Variants in ABCG1 observed in about 807,000 individuals in gnomAD.
ABCG1 encodes ATP-binding cassette sub-family G member 1.
In ABCG1, 29 loss-of-function variants were observed where a neutral mutation model predicts 69.2. The ratio of observed to expected loss-of-function variants is 0.42; its 90% CI spans 0.31 to 0.57. The LOEUF (loss-of-function observed/expected upper bound fraction) is 0.57, where lower values mean the gene tolerates loss of function less well. Ranked by LOEUF, ABCG1 falls within the 20% of genes least tolerant of loss-of-function variation. ABCG1 has a pLI of 0.15. For synonymous variants in ABCG1, 370 were observed against 374.8 expected (o/e 0.99, Z 0.15); for missense variants, 718 against 898.1 (o/e 0.80, Z 2.56).
At chr21:42,263,928 T>G (rs2068456839) in intron 2 of ABCG1, among the ~76,000 whole-genome samples, 1 of 152,216 alleles carries the variant, frequency 6.6e-6, no homozygotes, top group African/African-American at 2.4e-5. Flanking sequence ...GCCCTTCCTG[T>G]CTTGTGAGTG....
At position 42,291,584 on chromosome 21, in the gene ABCG1, G is replaced by A. The variant is rs762812239; in HGVS notation, c.1581G>A (p.Ala527=). 1.1e-5 allele frequency: 18 copies of A among 1,612,228 alleles called. No homozygotes were observed. The Admixed American group carries it at 1.2e-4, about 10-fold the overall frequency. The change falls in exon 13 of 15, where the codon GCG becomes GCA. Residue 527 remains alanine, a synonymous_variant. Coordinates refer to ENST00000398449, the MANE Select transcript of ABCG1 (RefSeq NM_016818.3). This position sits in a 1 kb window ranked among gnomAD's most constrained non-coding sequence, Gnocchi z 6.4. The part of the protein sequence containing the change: ...SDAVRFVLFA[A]LGTMTSLVAQ... ...CCGTGCGCTTTGTGCTGTTTGCCGC[G>A]CTGGGCACCATGACCTCCCTGGTGG...
intron 7 of ABCG1, 46 bp downstream of exon 7, chr21:42,284,729 G>A (rs1166469180): frequency 6.2e-7 from 1 of 1,600,418 alleles, no homozygotes; most frequent in African/African-American, 1.3e-5. Flanking sequence ...ACTGCACTCA[G>A]GTCAGCCTGA....
intron 2 of ABCG1, among the ~76,000 whole-genome samples, chr21:42,257,110 A>G: frequency 6.6e-6 from 1 of 152,198 alleles, no homozygotes; most frequent in East Asian, 1.9e-4. Context: ...CATGCCCATT[A>G]CCAGATGAAG....
intron 2 of ABCG1, among the ~76,000 whole-genome samples, chr21:42,239,520 C>T (rs1024187959): frequency 2.0e-5 from 3 of 152,214 alleles, no homozygotes; most frequent in Non-Finnish European, 2.9e-5. Flanking sequence ...TCCTAGGCGC[C>T]GGGCAGTGTG....
intron 2 of ABCG1, among the ~76,000 whole-genome samples, chr21:42,227,400 G>A (rs768668868): frequency 1.6e-4 from 25 of 152,166 alleles, no homozygotes; most frequent in African/African-American, 4.8e-4. Context: ...TTTTGGCGTC[G>A]TTTGTCTATA....
chr21:42,289,962 C>A, intron 10 of ABCG1, 88 bp from the exon 11 acceptor site: 1 of 1,477,876 alleles, frequency 6.8e-7, no homozygotes, highest in South Asian at 1.2e-5. Context: ...GTTCAGGGTC[C>A]CATGCTTCCA....
At chr21:42,269,497 T>C (rs577979009) in intron 2 of ABCG1, among the ~76,000 whole-genome samples, 1 of 152,318 alleles carries the variant, frequency 6.6e-6, no homozygotes, top group Non-Finnish European at 1.5e-5. Context: ...TTGTACGAGC[T>C]GGTTCACCCG....
At position 42,276,802 on chromosome 21, in the gene ABCG1, C is replaced by A. The variant is rs945375240; in HGVS notation, c.538-93C>A. The A allele has an allele frequency of 2.3e-6, 3 of 1,324,084 alleles. No homozygotes were observed. Among genetic ancestry groups the A allele is most frequent in the Non-Finnish European group, 3.2e-6 (3 of 926,972 alleles). The allele number at this position is 1,324,084 out of a possible 1,614,324, so 82.0% of individuals were successfully genotyped here. ...GGCACTGTGGCTAGCTGCATCTTGG[C>A]TAGCTGCACCGTGGCCTGCAGTGCG... On this transcript the variant is annotated intron_variant, in intron 4 of 14. Coordinates refer to ENST00000398449, the MANE Select transcript of ABCG1 (RefSeq NM_016818.3). This position sits in a 1 kb window ranked among gnomAD's most constrained non-coding sequence, Gnocchi z 5.3.
rs145597532 is a variant in ABCG1 at position 42,288,219 on chromosome 21, G to A, written c.1131G>A (p.Ser377=). 266 of 1,614,138 alleles carry A rather than the reference G, an allele frequency of 1.6e-4. 1 individual carries two copies. In the African/African-American group the frequency reaches 2.1e-3, roughly 13 times the overall value. Residue 377 remains serine (S), a synonymous_variant, in exon 10 of 15, where the codon TCG becomes TCA. Transcript: ENST00000398449. The surrounding 1 kb of genome is among the most constrained non-coding windows in gnomAD (Gnocchi z 4.8). ...LWHRPSEEDS[S]SMEGCHSFSA... ...CTTGCGTGTGTCCTCAGGACTCCTC[G>A]TCCATGGAAGGCTGCCACAGCTTCT... is the stretch of plus-strand genomic sequence containing the variant.
intron 6 of ABCG1, among the ~76,000 whole-genome samples, chr21:42,282,917 C>T (rs951666113): frequency 6.6e-6 from 1 of 152,214 alleles, no homozygotes; most frequent in African/African-American, 2.4e-5. Flanking sequence ...CAGTTGCTCA[C>T]CAGCTCTCTA....
At chr21:42,255,720 T>G (rs1217334887) in intron 2 of ABCG1, among the ~76,000 whole-genome samples, 1 of 152,142 alleles carries the variant, frequency 6.6e-6, no homozygotes, top group Non-Finnish European at 1.5e-5. Context: ...TCTCCTGGTT[T>G]TGTTTGTGTT....
At chr21:42,208,390 C>A (rs937768446) in intron 2 of ABCG1, among the ~76,000 whole-genome samples, 2 of 152,160 alleles carry the variant, frequency 1.3e-5, no homozygotes, top group African/African-American at 4.8e-5. Context: ...TTCCTATCTT[C>A]TAGAGTCTCC....
intron 2 of ABCG1, among the ~76,000 whole-genome samples, chr21:42,267,866 C>CTGGTCTGGGTTCTGTCTGGGTG (rs147172606): frequency 1.4e-4 from 19 of 132,046 alleles, no homozygotes; most frequent in Admixed American, 9.1e-4. Context: ...TGATCTGGGT[C>CTGGTCTGGGTTCTGTCTGGGTG]TGGTCTGGGT....
intron 2 of ABCG1, among the ~76,000 whole-genome samples, chr21:42,242,567 A>G (rs912808349): frequency 1.3e-5 from 2 of 152,178 alleles, no homozygotes; most frequent in Non-Finnish European, 2.9e-5. Context: ...TGTATTATAG[A>G]TGTGTGGTAC....
chr21:42,255,844 A>C (rs981801615), intron 2 of ABCG1, among the ~76,000 whole-genome samples: 11 of 152,232 alleles, frequency 7.2e-5, no homozygotes, highest in Non-Finnish European at 1.0e-4. Context: ...CTCCTGGGGA[A>C]CAGCACCCTG....
At chr21:42,263,715 G>A (rs545649672) in intron 2 of ABCG1, among the ~76,000 whole-genome samples, 1 of 152,194 alleles carries the variant, frequency 6.6e-6, no homozygotes, top group African/African-American at 2.4e-5. Context: ...CAGCAACCCC[G>A]TAAAAATGCC....
intron 2 of ABCG1, among the ~76,000 whole-genome samples, chr21:42,204,668 A>C (rs2067529901): frequency 6.6e-6 from 1 of 152,068 alleles, no homozygotes; most frequent in Admixed American, 6.5e-5. Context: ...TTCTGTATTT[A>C]TATTCATGAG....
intron 2 of ABCG1, chr21:42,260,176 G>T: frequency 6.5e-7 from 1 of 1,550,368 alleles, no homozygotes; most frequent in Non-Finnish European, 8.7e-7. Flanking sequence ...GGTGAAGCTG[G>T]TCACGTGGCC....
intron 2 of ABCG1, among the ~76,000 whole-genome samples, chr21:42,234,217 G>A (rs2067943494): frequency 6.6e-6 from 1 of 152,170 alleles, no homozygotes; most frequent in African/African-American, 2.4e-5. Flanking sequence ...CTGGCAGGTA[G>A]GGGGCAGGTC....
Sources: gnomAD v4.1 joint callset for allele counts (sites outside exome capture counted in the v4.1 genomes callset) on GRCh38, gnomAD v4.1.1 for gene constraint, Gnocchi (gnomAD v3.1) non-coding constraint, MANE v1.5 for transcripts, NCBI Gene and HGNC (gene_info 2026-07-23, HGNC 2026-07-21) for gene names.